The following ZBTB10 variants were observed in gnomAD, a reference collection of about 807,000 sequenced individuals.
ZBTB10 encodes the protein zinc finger and BTB domain-containing protein 10.
A neutral mutation model predicts 76.4 loss-of-function variants in ZBTB10; 32 were observed. The ratio of observed to expected loss-of-function variants is 0.42; its 90% confidence interval spans 0.32 to 0.56. The LOEUF (loss-of-function observed/expected upper bound fraction) is 0.56. Among genes scored for constraint, ZBTB10 ranks in the 20% least tolerant of loss-of-function variants. ZBTB10 has a pLI of 0.14. For missense variants in ZBTB10, 1,057 were observed against 1,098.5 expected (o/e 0.96, Z 0.53); for synonymous variants, 523 against 432.9 (o/e 1.21, Z -2.58).
rs2131521730 is a variant in ZBTB10, at chr8:80,520,087, A to G, written c.*559A>G. On this transcript the variant is annotated 3_prime_UTR_variant, in exon 6 of 6. Transcript: ENST00000455036. ...TTAATTTGCTTCATAACTTAAACCA[A>G]GTCTCTTCTAGTCTTAGGTATTATT... 1 of 152,538 alleles carries G rather than the reference A, an allele frequency of 6.6e-6. No individual in the cohort carries two copies. Among genetic ancestry groups the G allele is most frequent in the East Asian group, 1.9e-4 (1 of 5,182 alleles). The allele number at this position is 152,538 out of a possible 1,614,324, so 9.4% of individuals were successfully genotyped here.
intron 2 of ZBTB10, among the ~76,000 whole-genome samples, chr8:80,502,892 T>C (rs1815960692): frequency 6.6e-6 from 1 of 152,196 alleles, no homozygotes; most frequent in Non-Finnish European, 1.5e-5. Context: ...TAGCAGTGGT[T>C]CTTAATCATG....
At position 80,500,260 on chromosome 8, in the gene ZBTB10, C is replaced by G. The variant is rs1283557049; in HGVS notation, c.1739C>G (p.Thr580Ser). 6.3e-7 allele frequency: 1 copy of G among 1,580,836 alleles called. No individual in the cohort carries two copies. The highest frequency in any genetic ancestry group is 1.1e-5 in the South Asian group (1 of 87,072). ...ETGKTRRKNQ[T>S]TKRFIYNIPP... ...GGCAAAACAAGGAGGAAAAACCAAA[C>G]TACAAAAAGATTTATTTATAATATT... The change falls in exon 2 of 6, where the codon ACT (threonine) becomes AGT (serine). Residue 580 changes from threonine to serine, a missense_variant. By Grantham distance (58) the Thr-to-Ser change is moderately conservative (BLOSUM62 1). Around this residue, in one of 5 missense-constraint regions of ZBTB10, gnomAD observed 306 missense variants for 297.5 expected, o/e 1.03. Coordinates refer to ENST00000455036, the MANE Select transcript of ZBTB10 (RefSeq NM_001105539.3).
Position 80,500,356 on chromosome 8 carries a change from A to G in ZBTB10, c.1835A>G (p.Asn612Ser). ...MQPPVAYPEE[N>S]TLLIKEEPDL... ...CCACCTGTTGCCTATCCAGAAGAAA[A>G]TACACTACTCATCAAGGAAGAACCA... The change falls in exon 2 of 6, where the codon AAT becomes AGT. Residue 612 changes from asparagine to serine, a missense_variant. Transcript: ENST00000455036. 1 of 1,577,784 alleles carries G rather than the reference A, an allele frequency of 6.3e-7. No homozygotes were observed.
At chr8:80,493,203 GCGCGCACACACACACA>G (rs1362315577) in intron 1 of ZBTB10, among the ~76,000 whole-genome samples, 40 of 107,826 alleles carry the variant, frequency 3.7e-4, no homozygotes, top group South Asian at 1.6e-3. Context: ...ACGCGCGCGC[GCGCGCACACACACACA>G]CACACACACA....
At chr8:80,496,307 G>C (rs951955500) in intron 1 of ZBTB10, among the ~76,000 whole-genome samples, 2 of 151,044 alleles carry the variant, frequency 1.3e-5, no homozygotes, top group African/African-American at 4.9e-5. Flanking sequence ...TCTCCTTAGA[G>C]AGTACACATA....
At chr8:80,485,960 C>A (rs1236068651), upstream of ZBTB10, 1 of 1,398,636 alleles carries the variant, frequency 7.1e-7, no homozygotes, top group Non-Finnish European at 9.7e-7. Flanking sequence ...CCGGCCCCGG[C>A]CGCACACGCC....
At chr8:80,496,882 T>G (rs1815796828) in intron 1 of ZBTB10, among the ~76,000 whole-genome samples, 1 of 152,224 alleles carries the variant, frequency 6.6e-6, no homozygotes, top group Non-Finnish European at 1.5e-5. Flanking sequence ...TCATACAATA[T>G]TCATGCTTTT....
At chr8:80,507,266 C>A (rs1563463507) in intron 2 of ZBTB10, among the ~76,000 whole-genome samples, 1 of 151,204 alleles carries the variant, frequency 6.6e-6, no homozygotes, top group East Asian at 2.0e-4. Context: ...CAAGACCATG[C>A]CACTGCACTC....
chr8:80,486,441 C>T lies in ZBTB10; in HGVS notation c.-370C>T. Reference sequence around the variant, plus strand: ...GCGCGCGGCTTTAAAGAGGGGGCAGCGGAGGGTCTCCCCGCACTCCGCTGC... The same window carrying T: ...GCGCGCGGCTTTAAAGAGGGGGCAGTGGAGGGTCTCCCCGCACTCCGCTGC... On this transcript the variant is annotated 5_prime_UTR_variant, in exon 1 of 6. Coordinates refer to ENST00000455036, the MANE Select transcript of ZBTB10 (RefSeq NM_001105539.3). The T allele has an allele frequency of 1.0e-6, 1 of 985,028 alleles. No individual in the cohort carries two copies. Among genetic ancestry groups the T allele is most frequent in the Non-Finnish European group, 1.2e-6 (1 of 829,932 alleles). 61.0% of individuals were successfully genotyped at this position (985,028 alleles called of 1,614,324 possible). A position where few individuals can be genotyped will look rare whatever the true frequency, so the allele number is the denominator to read the frequency against.
Position 80,521,398 on chromosome 8 carries a change from AAG to A in ZBTB10, c.*1871_*1872del, listed in dbSNP as rs1318024365. 1 of 151,808 alleles carries A rather than the reference AAG, an allele frequency of 6.6e-6. No homozygotes were observed. Among genetic ancestry groups the A allele is most frequent in the African/African-American group, 2.4e-5 (1 of 41,426 alleles). The allele number at this position is 151,808 out of a possible 1,614,324, so 9.4% of individuals were successfully genotyped here. ...TTGGGCAAAGATACTATGAATGAAA[AAG>A]TATTTTAAACGTAAAATGTTCTTTG... On this transcript the variant is annotated 3_prime_UTR_variant, in exon 6 of 6. Transcript: ENST00000455036.
rs542725665 is a variant in ZBTB10, at chr8:80,501,370, T to C, written c.1861+988T>C. On this transcript the variant is annotated intron_variant, in intron 2 of 5. Coordinates refer to ENST00000455036, the MANE Select transcript of ZBTB10 (RefSeq NM_001105539.3). ...AACGAGAAGACCATTGTTAAGTCTTTAGTTTAATCTGGCTGTGCATATCTT... is the reference window on the plus strand; with the variant it reads ...AACGAGAAGACCATTGTTAAGTCTTCAGTTTAATCTGGCTGTGCATATCTT... Among the ~76,000 whole-genome samples, 4 of 152,342 alleles carry C rather than the reference T, an allele frequency of 2.6e-5. No individual in the cohort carries two copies. The South Asian group carries it at 8.3e-4, about 32-fold the overall frequency.
At chr8:80,512,430 G>A (rs949424338) in intron 2 of ZBTB10, among the ~76,000 whole-genome samples, 1 of 152,074 alleles carries the variant, frequency 6.6e-6, no homozygotes, top group African/African-American at 2.4e-5. Flanking sequence ...GTAATTTTCG[G>A]CCGGGTGCTG....
In ZBTB10 at chr8:80,511,393, T is replaced by C. The variant is rs118019625; in HGVS notation, c.1862-2517T>C. 2.4e-4 allele frequency among the ~76,000 whole-genome samples: 37 copies of C among 152,356 alleles called. No individual in the cohort carries two copies. In the East Asian group the frequency reaches 6.4e-3, roughly 26 times the overall value. ...TATTTGGAAACCCACTTGGCAGAAT[T>C]GTAAGACATGTCCTTGAACAGACTG... On this transcript the variant is annotated intron_variant, in intron 2 of 5. Transcript: ENST00000455036.
In ZBTB10 at chr8:80,487,436, G is replaced by C; in HGVS notation, c.626G>C (p.Arg209Pro). The change falls in exon 1 of 6, where the codon CGG (arginine) becomes CCG (proline). Residue 209 changes from arginine (R) to proline (P), a missense_variant. Physicochemically the swap from Arg to Pro is moderately radical, Grantham distance 103. Around this residue, in one of 5 missense-constraint regions of ZBTB10, gnomAD observed 556 missense variants for 451.7 expected, o/e 1.23. Coordinates refer to ENST00000455036, the MANE Select transcript of ZBTB10 (RefSeq NM_001105539.3). Reference sequence around the variant, plus strand: ...GGCGGCAGCTGCAGCAGCAGCAGGCGGTCGGGCGGCGATGGCGGGGACGAA... The same window carrying C: ...GGCGGCAGCTGCAGCAGCAGCAGGCCGTCGGGCGGCGATGGCGGGGACGAA... ...AEGGSCSSSR[R>P]SGGDGGDEVE... 6.5e-7 allele frequency: 1 copy of C among 1,545,072 alleles called. No homozygotes were observed. The highest frequency in any genetic ancestry group is 1.2e-5 in the South Asian group (1 of 83,692).
At chr8:80,517,945 C>T (rs1816370630) in intron 3 of ZBTB10, among the ~76,000 whole-genome samples, 1 of 127,314 alleles carries the variant, frequency 7.9e-6, no homozygotes, top group African/African-American at 3.1e-5. Flanking sequence ...GTGGCGCAAT[C>T]TTGAATCACT....
In ZBTB10 at chr8:80,523,312, A is replaced by G. The variant is rs1042893256; in HGVS notation, c.*3784A>G. 4.6e-5 allele frequency: 7 copies of G among 151,916 alleles called. No individual in the cohort carries two copies. Among genetic ancestry groups the G allele is most frequent in the Admixed American group, 6.6e-5 (1 of 15,228 alleles). 9.4% of individuals were successfully genotyped at this position (151,916 alleles called of 1,614,324 possible). A position where few individuals can be genotyped will look rare whatever the true frequency, so the allele number is the denominator to read the frequency against. On this transcript the variant is annotated 3_prime_UTR_variant, in exon 6 of 6. Coordinates refer to ENST00000455036, the MANE Select transcript of ZBTB10 (RefSeq NM_001105539.3). ...GGAGTCTATGGATTATATTTTTCCT[A>G]TAAGACAGCTGTGTTTAGAATTTTG...
At chr8:80,516,474 T>G (rs1816328294) in intron 3 of ZBTB10, among the ~76,000 whole-genome samples, 1 of 152,238 alleles carries the variant, frequency 6.6e-6, no homozygotes, top group Non-Finnish European at 1.5e-5. Context: ...GCTCAAACTT[T>G]GTTTAGAGAT....
Position 80,487,313 on chromosome 8 carries a change from T to A in ZBTB10, c.503T>A (p.Leu168Gln). The A allele has an allele frequency of 6.5e-7, 1 of 1,543,760 alleles. No homozygotes were observed. The highest frequency in any genetic ancestry group is 1.4e-5 in the African/African-American group (1 of 72,930). ...PATVDLELDALEGKELMQDGA... is the reference protein window; with the variant it reads ...PATVDLELDAQEGKELMQDGA... ...ACTGTGGATCTGGAGCTGGACGCGC[T>A]GGAGGGGAAGGAGTTGATGCAGGAC... The change falls in exon 1 of 6, where the codon CTG (leucine) becomes CAG (glutamine). Residue 168 changes from leucine (L) to glutamine (Q), a missense_variant. Coordinates refer to ENST00000455036, the MANE Select transcript of ZBTB10 (RefSeq NM_001105539.3).
chr8:80,519,385 G>A lies in ZBTB10; in HGVS notation c.2473G>A (p.Asp825Asn). The A allele has an allele frequency of 1.2e-6, 2 of 1,602,230 alleles. No homozygotes were observed. Among genetic ancestry groups the A allele is most frequent in the Non-Finnish European group, 1.7e-6 (2 of 1,174,896 alleles). ...GGQEGVDQGQ[D>N]TEFPRDEEYE... ...GCAAGAAGGTGTAGATCAGGGACAG[G>A]ATACAGAATTCCCTCGGGATGAAGA... The change falls in exon 6 of 6, where the codon GAT becomes AAT. Residue 825 changes from aspartate (D) to asparagine (N), a missense_variant. Physicochemically the swap from Asp to Asn is conservative, Grantham distance 23 (BLOSUM62 1). Coordinates refer to ENST00000455036, the MANE Select transcript of ZBTB10 (RefSeq NM_001105539.3).
Sources: allele counts gnomAD v4.1 joint callset (sites outside exome capture counted in the v4.1 genomes callset), GRCh38; gene constraint gnomAD v4.1.1; regional missense constraint gnomAD v4.1.1; transcripts MANE v1.5; gene names NCBI Gene and HGNC (gene_info 2026-07-23, HGNC 2026-07-21).